MGST2: variants seen among roughly 807,000 people sequenced by gnomAD.
The protein encoded by MGST2 is microsomal glutathione S-transferase 2, also known as glutathione peroxidase MGST2.
In MGST2, 9 loss-of-function variants were observed where a neutral mutation model predicts 16.6. That is an observed-to-expected ratio of 0.54 (90% CI 0.33 to 0.95). The LOEUF (loss-of-function observed/expected upper bound fraction) is 0.95. Among genes scored for constraint, MGST2 ranks in the 40% least tolerant of loss-of-function variants. MGST2 has a pLI of 0.03. For missense variants in MGST2, 159 were observed against 175.1 expected (o/e 0.91, Z 0.52); for synonymous variants, 79 against 68.0 (o/e 1.16, Z -0.79).
chr4:139,703,633 GT>G, intron 4 of MGST2, 97 bp downstream of exon 4: 1 of 1,160,918 alleles, frequency 8.6e-7, no homozygotes, highest in South Asian at 1.3e-5. Flanking sequence ...AGCACTGTGA[GT>G]TGTGGTGGCA....
chr4:139,751,703 C>T, the MGST2 span, among the ~76,000 whole-genome samples: 1 of 152,088 alleles, frequency 6.6e-6, no homozygotes, highest in African/African-American at 2.4e-5. Context: ...TTGATGGACC[C>T]CAGGGAGCCA....
At chr4:139,752,906 A>G in the MGST2 span, among the ~76,000 whole-genome samples, 1 of 152,018 alleles carries the variant, frequency 6.6e-6, no homozygotes, top group Admixed American at 6.5e-5. Context: ...AAGAGCTAAC[A>G]GGGGGAAAGA....
chr4:139,726,976 G>A (rs1042330706), intron 5 of MGST2, among the ~76,000 whole-genome samples: 1 of 152,192 alleles, frequency 6.6e-6, no homozygotes, highest in East Asian at 1.9e-4. Context: ...TGCAGCTGCT[G>A]AATATTCATT....
At chr4:139,744,749 C>A (rs906539591), downstream of MGST2, among the ~76,000 whole-genome samples, 1 of 152,126 alleles carries the variant, frequency 6.6e-6, no homozygotes, top group Non-Finnish European at 1.5e-5. Flanking sequence ...AGTGCAGAGA[C>A]AAGGTGCACT....
At chr4:139,731,465 A>AAAAT (rs1728716170) in intron 5 of MGST2, 2 of 165,818 alleles carry the variant, frequency 1.2e-5, no homozygotes, top group East Asian at 1.7e-4. Flanking sequence ...AAAAAAAAAA[A>AAAAT]AAATTAGCCA....
chr4:139,666,109 C>CGT (rs1553943682), intron 1 of MGST2, 32 bp downstream of exon 1: 12 of 1,418,502 alleles, frequency 8.5e-6, no homozygotes, highest in Admixed American at 1.9e-5. Context: ...TGTGTGTGCG[C>CGT]GTGTGTGCGT....
intron 5 of MGST2, among the ~76,000 whole-genome samples, chr4:139,730,112 C>T (rs2110986848): frequency 6.6e-6 from 1 of 152,338 alleles, no homozygotes; most frequent in Admixed American, 6.5e-5. Flanking sequence ...GCTGATTACA[C>T]AGACCCCTGT....
chr4:139,719,398 A>G (rs1728130021), intron 5 of MGST2: 1 of 1,613,804 alleles, frequency 6.2e-7, no homozygotes, highest in African/African-American at 1.3e-5. Flanking sequence ...TGGAGTCCAC[A>G]AGGTCTGCAC....
intron 3 of MGST2, among the ~76,000 whole-genome samples, chr4:139,696,692 C>T (rs182920005): frequency 1.1e-4 from 16 of 152,338 alleles, no homozygotes; most frequent in Admixed American, 1.0e-3. Flanking sequence ...GTGTCATGCA[C>T]AACGCCTGTA....
At chr4:139,741,218 T>C (rs1363516548), downstream of MGST2, among the ~76,000 whole-genome samples, 3 of 152,130 alleles carry the variant, frequency 2.0e-5, no homozygotes, top group Non-Finnish European at 4.4e-5. Context: ...TACTTCTCCT[T>C]ATGTAAAGAT....
intron 1 of MGST2, among the ~76,000 whole-genome samples, chr4:139,675,640 T>C (rs1730920049): frequency 6.6e-6 from 1 of 152,038 alleles, no homozygotes; most frequent in African/African-American, 2.4e-5. Flanking sequence ...ACAATATAGG[T>C]TTGAAAAGGA....
chr4:139,676,121 C>A (rs1485549359), intron 1 of MGST2, among the ~76,000 whole-genome samples: 1 of 152,132 alleles, frequency 6.6e-6, no homozygotes, highest in Non-Finnish European at 1.5e-5. Flanking sequence ...GATTCATTTG[C>A]ATTTTGAGAA....
chr4:139,708,999 C>CAAAAA (rs36036249), downstream of MGST2, among the ~76,000 whole-genome samples: 1 of 102,586 alleles, frequency 9.7e-6, no homozygotes, highest in Non-Finnish European at 1.8e-5. Context: ...AACTCCGTCT[C>CAAAAA]AAAAAAAAAA....
chr4:139,687,946 C>A (rs754105942), intron 2 of MGST2, among the ~76,000 whole-genome samples: 1 of 152,176 alleles, frequency 6.6e-6, no homozygotes, highest in Non-Finnish European at 1.5e-5. Flanking sequence ...CACCAAGGAC[C>A]ATTCCTTTAC....
At chr4:139,686,282 G>A (rs1438776699) in intron 2 of MGST2, among the ~76,000 whole-genome samples, 2 of 151,436 alleles carry the variant, frequency 1.3e-5, no homozygotes, top group East Asian at 3.9e-4. Context: ...TTAAGATAAA[G>A]GATTATGGAG....
chr4:139,751,776 T>C, the MGST2 span, among the ~76,000 whole-genome samples: 1 of 152,144 alleles, frequency 6.6e-6, no homozygotes, highest in African/African-American at 2.4e-5. Context: ...TCAGCCCAGG[T>C]CACAATTTTG....
At chr4:139,751,834 G>A in the MGST2 span, among the ~76,000 whole-genome samples, 5 of 152,266 alleles carry the variant, frequency 3.3e-5, no homozygotes, top group East Asian at 1.9e-4. Context: ...CCTCTAATCC[G>A]CAAAGTATCC....
chr4:139,703,996 C>G lies in MGST2; in HGVS notation c.312-20C>G, dbSNP rs772791196. On this transcript the variant is annotated intron_variant, in intron 4 of 4. Transcript: ENST00000265498. The stretch of plus-strand genomic sequence containing the variant: ...TTACAGTCCAGTTTGTCACTTTTCT[C>G]CCTCATGTCCACTCTGCAGGATCAC... The G allele has an allele frequency of 2.5e-6, 4 of 1,614,058 alleles. No individual in the cohort carries two copies. Among genetic ancestry groups the G allele is most frequent in the Non-Finnish European group, 1.7e-6 (2 of 1,180,006 alleles).
At chr4:139,696,371 A>G (rs1038147219) in intron 3 of MGST2, among the ~76,000 whole-genome samples, 21 of 152,238 alleles carry the variant, frequency 1.4e-4, no homozygotes, top group African/African-American at 4.8e-4. Context: ...CAGTGCTTGT[A>G]TCATAGAAGG....
Sources: gnomAD v4.1 joint callset for allele counts (sites outside exome capture counted in the v4.1 genomes callset) on GRCh38, gnomAD v4.1.1 for gene constraint, MANE v1.5 for transcripts, NCBI Gene and HGNC (gene_info 2026-07-23, HGNC 2026-07-21) for gene names.